Variants in PXDNL observed in about 807,000 individuals in gnomAD.
PXDNL encodes probable oxidoreductase PXDNL.
A neutral mutation model predicts 150.8 loss-of-function variants in PXDNL; 145 were observed. That is an observed-to-expected ratio of 0.96 (90% CI 0.84 to 1.10). The LOEUF (loss-of-function observed/expected upper bound fraction) is 1.10. Among genes scored for constraint, PXDNL ranks in the 50% least tolerant of loss-of-function variants. The pLI, the probability that PXDNL is intolerant of heterozygous loss-of-function variation, is 0.00. For synonymous variants in PXDNL, 757 were observed against 725.7 expected (o/e 1.04, Z -0.69); for missense variants, 2,087 against 1,873.9 (o/e 1.11, Z -2.10).
intron 1 of PXDNL, among the ~76,000 whole-genome samples, chr8:51,685,695 C>T (rs1249243969): frequency 6.6e-6 from 1 of 152,170 alleles, no homozygotes. Flanking sequence ...GGCTTCAAAG[C>T]ACTCATCAAA....
intron 5 of PXDNL, 65 bp downstream of exon 5, chr8:51,499,634 A>G: frequency 1.6e-6 from 2 of 1,253,602 alleles, no homozygotes; most frequent in Non-Finnish European, 2.3e-6. Flanking sequence ...CACGGCAGTC[A>G]GATGGGTTGT....
intron 2 of PXDNL, among the ~76,000 whole-genome samples, chr8:51,645,283 C>G (rs1814893110): frequency 6.6e-6 from 1 of 152,146 alleles, no homozygotes; most frequent in Admixed American, 6.6e-5. Context: ...ATCTGCTGTC[C>G]TCAGGCCACC....
At chr8:51,530,666 C>T (rs1158554120) in intron 4 of PXDNL, among the ~76,000 whole-genome samples, 3 of 152,100 alleles carry the variant, frequency 2.0e-5, no homozygotes, top group Non-Finnish European at 2.9e-5. Flanking sequence ...TAGTTAGCTC[C>T]GACCTGTGGC....
chr8:51,691,529 A>C (rs1585677398), intron 1 of PXDNL, among the ~76,000 whole-genome samples: 1 of 152,288 alleles, frequency 6.6e-6, no homozygotes, highest in South Asian at 2.1e-4. Context: ...TATTAACTAG[A>C]GACAAACATT....
intron 2 of PXDNL, among the ~76,000 whole-genome samples, chr8:51,605,425 GA>G (rs202042979): frequency 0.011 from 1,729 of 151,028 alleles, 14 homozygotes; most frequent in South Asian, 0.026. Context: ...AATTTTAAAA[GA>G]AAAAAAGAAA....
At chr8:51,561,167 T>C (rs1433920378) in intron 3 of PXDNL, among the ~76,000 whole-genome samples, 1 of 151,956 alleles carries the variant, frequency 6.6e-6, no homozygotes. Context: ...GGAATGTAAA[T>C]TGGTACAGCC....
At chr8:51,734,786 A>C (rs1167774298) in intron 1 of PXDNL, among the ~76,000 whole-genome samples, 1 of 152,234 alleles carries the variant, frequency 6.6e-6, no homozygotes, top group African/African-American at 2.4e-5. Flanking sequence ...TGAGACTCAA[A>C]GCAATATTAC....
At chr8:51,529,963 A>G (rs1811858878) in intron 4 of PXDNL, among the ~76,000 whole-genome samples, 1 of 152,084 alleles carries the variant, frequency 6.6e-6, no homozygotes, top group South Asian at 2.1e-4. Flanking sequence ...ACAACCAAAA[A>G]TGCATCAGCA....
intron 2 of PXDNL, among the ~76,000 whole-genome samples, chr8:51,593,856 T>A (rs1813502715): frequency 6.6e-6 from 1 of 152,212 alleles, no homozygotes; most frequent in Non-Finnish European, 1.5e-5. Context: ...CATACAGAGA[T>A]AATGTCAATT....
intron 5 of PXDNL, among the ~76,000 whole-genome samples, chr8:51,492,394 G>C (rs1252037597): frequency 1.3e-5 from 2 of 152,110 alleles, no homozygotes; most frequent in South Asian, 4.1e-4. Context: ...TTCCAACTGA[G>C]GTACCGGGTT....
intron 5 of PXDNL, among the ~76,000 whole-genome samples, chr8:51,491,744 G>T (rs921929969): frequency 4.6e-5 from 7 of 152,292 alleles, no homozygotes; most frequent in African/African-American, 1.7e-4. Flanking sequence ...AAAATACAAG[G>T]CTTGGTGGTT....
chr8:51,728,353 T>C (rs1025507676), intron 1 of PXDNL, among the ~76,000 whole-genome samples: 3 of 152,222 alleles, frequency 2.0e-5, no homozygotes, highest in African/African-American at 4.8e-5. Flanking sequence ...TCTGCTTATA[T>C]ATTTTTTCAG....
In PXDNL at chr8:51,408,192, C is replaced by T; in HGVS notation, c.3432G>A (p.Arg1144=). ...ATGGTGGGATCCCGTGGTCTCTACC[C>T]CTTTGAATGATGGTGGCAGCCGAAT... ...AVDSAATIIQ[R]GRDHGIPPYV... is the part of the protein sequence containing the mutation. Residue 1144 remains arginine, a synonymous_variant, in exon 17 of 23, where the codon AGG becomes AGA. Transcript: ENST00000356297. The T allele has an allele frequency of 5.6e-6, 9 of 1,614,036 alleles. No individual in the cohort carries two copies. The highest frequency in any genetic ancestry group is 7.6e-6 in the Non-Finnish European group (9 of 1,179,902).
chr8:51,460,355 C>A (rs1310106862), intron 8 of PXDNL, among the ~76,000 whole-genome samples: 2 of 147,750 alleles, frequency 1.4e-5, no homozygotes, highest in Admixed American at 1.4e-4. Context: ...TCATATTTAC[C>A]ATGTTTACTA....
chr8:51,506,264 T>C (rs1023986032), intron 4 of PXDNL, among the ~76,000 whole-genome samples: 2 of 152,118 alleles, frequency 1.3e-5, no homozygotes, highest in African/African-American at 4.8e-5. Flanking sequence ...AGAAAAAGGC[T>C]GGGCACAGTG....
At chr8:51,545,100 A>C (rs114023181) in intron 4 of PXDNL, among the ~76,000 whole-genome samples, 2,829 of 152,294 alleles carry the variant, frequency 0.019, 37 homozygotes, top group African/African-American at 0.034. Flanking sequence ...AAATAGAAAG[A>C]AAAAATGTCT....
At chr8:51,740,540 G>A (rs1222664193) in intron 1 of PXDNL, among the ~76,000 whole-genome samples, 2 of 152,058 alleles carry the variant, frequency 1.3e-5, no homozygotes, top group Admixed American at 1.3e-4. Context: ...GGCATGAGAT[G>A]GTATCTCATT....
At chr8:51,522,482 C>T (rs1811681664) in intron 4 of PXDNL, among the ~76,000 whole-genome samples, 1 of 152,212 alleles carries the variant, frequency 6.6e-6, no homozygotes, top group African/African-American at 2.4e-5. Context: ...CTAGAACAAA[C>T]TACCAGAGAA....
intron 12 of PXDNL, among the ~76,000 whole-genome samples, chr8:51,430,733 C>A (rs1809228081): frequency 6.6e-6 from 1 of 152,190 alleles, no homozygotes; most frequent in African/African-American, 2.4e-5. Context: ...GTTTTGTCAC[C>A]TTTACCACTT....
Sources: gnomAD v4.1 joint callset for allele counts (sites outside exome capture counted in the v4.1 genomes callset) on GRCh38, gnomAD v4.1.1 for gene constraint, MANE v1.5 for transcripts, NCBI Gene and HGNC (gene_info 2026-07-23, HGNC 2026-07-21) for gene names.